CUX1: variants seen among roughly 807,000 people sequenced by gnomAD.
CUX1 encodes the protein protein CASP.
In CUX1, 31 loss-of-function variants were observed where a neutral mutation model predicts 158.8. That is an observed-to-expected ratio of 0.20 (90% CI 0.15 to 0.26). CUX1 has a LOEUF of 0.26. CUX1 is among the 10% of genes least tolerant of loss of function. CUX1 has a pLI of 1.00. For synonymous variants in CUX1, 879 were observed against 862.1 expected, an observed-to-expected ratio of 1.02 and a Z score of -0.34; for missense variants, 1,589 against 2,014.6, an observed-to-expected ratio of 0.79 and a Z score of 4.04.
chr7:102,063,383 C>A, intron 3 of CUX1, among the ~76,000 whole-genome samples: 1 of 89,274 alleles, frequency 1.1e-5, no homozygotes, highest in African/African-American at 4.2e-5. Context: ...ATTTCCTTTT[C>A]TTTTTTTTTT....
At chr7:101,816,856 C>G (rs2130857971), upstream of CUX1, 3 of 955,634 alleles carry the variant, frequency 3.1e-6, no homozygotes, top group Admixed American at 6.4e-5. Flanking sequence ...GGCCGCCGCC[C>G]CCGGCTGTCA....
At chr7:101,842,844 C>T (rs1444790750) in intron 1 of CUX1, among the ~76,000 whole-genome samples, 6 of 133,716 alleles carry the variant, frequency 4.5e-5, no homozygotes, top group Admixed American at 7.5e-5. Flanking sequence ...ATGTTAAATT[C>T]TATTCGTTTT....
intron 15 of CUX1, chr7:102,274,118 G>A (rs1791422217): frequency 2.3e-6 from 2 of 873,720 alleles, no homozygotes; most frequent in Non-Finnish European, 3.8e-6. Context: ...CAGCCAGCCT[G>A]CACCCCGGAT....
chr7:101,817,468 G>C (rs1293033679), upstream of CUX1: 2 of 1,074,210 alleles, frequency 1.9e-6, no homozygotes, highest in Non-Finnish European at 1.1e-6. The surrounding 1 kb of genome is among the most constrained non-coding windows in gnomAD (Gnocchi z 4.1). Context: ...CGGCGCCGCG[G>C]GGGGACCGTG....
At chr7:101,973,492 A>C (rs532846415) in intron 2 of CUX1, among the ~76,000 whole-genome samples, 1 of 152,172 alleles carries the variant, frequency 6.6e-6, no homozygotes, top group African/African-American at 2.4e-5. Context: ...TGACCATTTA[A>C]ATTGAAGTCA....
intron 2 of CUX1, among the ~76,000 whole-genome samples, chr7:101,953,403 C>G (rs890321754): frequency 6.6e-6 from 1 of 152,134 alleles, no homozygotes; most frequent in African/African-American, 2.4e-5. Context: ...AAAACACTTC[C>G]CTATGTGTTG....
At chr7:102,042,171 T>A (rs1268893894) in intron 3 of CUX1, among the ~76,000 whole-genome samples, 1 of 152,128 alleles carries the variant, frequency 6.6e-6, no homozygotes, top group Admixed American at 6.5e-5. Flanking sequence ...TTGGACCAGA[T>A]CAGTGGCTCC....
At chr7:101,907,022 A>T (rs976307401) in intron 1 of CUX1, among the ~76,000 whole-genome samples, 1 of 152,196 alleles carries the variant, frequency 6.6e-6, no homozygotes, top group East Asian at 1.9e-4. Context: ...TGTGGCCATC[A>T]TTCAGGATTT....
intron 9 of CUX1, among the ~76,000 whole-genome samples, chr7:102,160,781 G>A (rs1790342545): frequency 6.6e-6 from 1 of 152,162 alleles, no homozygotes; most frequent in African/African-American, 2.4e-5. Flanking sequence ...TGCCAGGGAC[G>A]AGGAGAGGAG....
intron 2 of CUX1, among the ~76,000 whole-genome samples, chr7:102,005,524 G>A (rs141758021): frequency 6.6e-6 from 1 of 152,132 alleles, no homozygotes; most frequent in African/African-American, 2.4e-5. Context: ...TTGCAGAGAC[G>A]ATAGTCTCCC....
At chr7:101,816,510 G>C (rs1254354701), upstream of CUX1, among the ~76,000 whole-genome samples, 3 of 141,402 alleles carry the variant, frequency 2.1e-5, no homozygotes, top group Admixed American at 2.1e-4. Flanking sequence ...GGAGCGGGGA[G>C]CGGGCGGCGG....
chr7:101,946,064 C>T (rs1358138544), intron 2 of CUX1, among the ~76,000 whole-genome samples: 1 of 152,082 alleles, frequency 6.6e-6, no homozygotes, highest in Non-Finnish European at 1.5e-5. Context: ...ATGGAAGGCC[C>T]CAGAGGAAAC....
intron 3 of CUX1, among the ~76,000 whole-genome samples, chr7:102,049,080 C>G (rs1585416274): frequency 6.6e-6 from 1 of 152,038 alleles, no homozygotes. Context: ...GTTCTTTGGC[C>G]TTGTCCCCTG....
At chr7:102,194,154 G>A (rs1268478332) in intron 13 of CUX1, 4 of 508,286 alleles carry the variant, frequency 7.9e-6, no homozygotes, top group Non-Finnish European at 1.4e-5. Flanking sequence ...ATCCCTGACT[G>A]ATAGGAGATG....
At chr7:102,037,982 G>A (rs1160707839) in intron 3 of CUX1, among the ~76,000 whole-genome samples, 5 of 151,656 alleles carry the variant, frequency 3.3e-5, no homozygotes, top group African/African-American at 1.2e-4. Context: ...TTGAACCTGG[G>A]AGGTGGAGGC....
intron 14 of CUX1, among the ~76,000 whole-genome samples, chr7:102,263,808 C>T (rs11766026): frequency 0.6 from 90,168 of 151,122 alleles, 27,296 homozygotes; most frequent in East Asian, 0.79. Flanking sequence ...TTCTCCTGCC[C>T]CAGCCTTCCG....
intron 1 of CUX1, among the ~76,000 whole-genome samples, chr7:101,823,305 C>T (rs577964600): frequency 6.6e-6 from 1 of 152,246 alleles, no homozygotes; most frequent in Non-Finnish European, 1.5e-5. Context: ...TGGTGTTCCT[C>T]CTAGGGATTT....
In CUX1 at chr7:102,093,905, T is replaced by C. The variant is rs183296295; in HGVS notation, c.269-3459T>C. The stretch of plus-strand genomic sequence containing the variant: ...ATTTTGTGTGTTCCTGTTTTATATA[T>C]GGGTGTGTCCTCTTCGCCTCCTCCA... On this transcript the variant is annotated intron_variant, in intron 4 of 23. Coordinates refer to ENST00000292535, the MANE Select transcript of CUX1 (RefSeq NM_181552.4). Among the ~76,000 whole-genome samples, 593 of 152,292 alleles carry C rather than the reference T, an allele frequency of 3.9e-3. 4 individuals carry two copies. The highest frequency in any genetic ancestry group is 0.014 in the African/African-American group (564 of 41,568).
At chr7:102,277,554 T>G (rs1348056580) in intron 17 of CUX1, among the ~76,000 whole-genome samples, 1 of 151,736 alleles carries the variant, frequency 6.6e-6, no homozygotes, top group Non-Finnish European at 1.5e-5. Flanking sequence ...CGAGATTGAT[T>G]GCGTCGTTGC....
Sources: allele counts gnomAD v4.1 joint callset (sites outside exome capture counted in the v4.1 genomes callset), GRCh38; gene constraint gnomAD v4.1.1; non-coding constraint Gnocchi (gnomAD v3.1); transcripts MANE v1.5; gene names NCBI Gene and HGNC (gene_info 2026-07-23, HGNC 2026-07-21).